The following ENOX1 variants were observed in gnomAD, a reference collection of about 807,000 sequenced individuals.
The protein encoded by ENOX1 is candidate growth-related and time keeping constitutive hydroquinone (NADH) oxidase.
Under a neutral mutation model 82.5 loss-of-function variants are expected in ENOX1, and 42 were observed. That is an observed-to-expected ratio of 0.51 (90% CI 0.40 to 0.66). The LOEUF (loss-of-function observed/expected upper bound fraction) is 0.66. Among genes scored for constraint, ENOX1 ranks in the 30% least tolerant of loss-of-function variants. The pLI is 0.00. For synonymous variants in ENOX1, 271 were observed against 282.2 expected, an observed-to-expected ratio of 0.96 and a Z score of 0.40; for missense variants, 608 against 811.6, an observed-to-expected ratio of 0.75 and a Z score of 3.05.
intron 3 of ENOX1, among the ~76,000 whole-genome samples, chr13:43,454,052 T>C (rs1207479730): frequency 6.6e-6 from 1 of 152,176 alleles, no homozygotes. Flanking sequence ...TTTTGCTTTA[T>C]TTGGGGTGTG....
intron 1 of ENOX1, among the ~76,000 whole-genome samples, chr13:43,766,056 C>G (rs1951243351): frequency 6.6e-6 from 1 of 152,184 alleles, no homozygotes; most frequent in Non-Finnish European, 1.5e-5. Context: ...ATATGTGCTT[C>G]TCCTTCCATT....
intron 2 of ENOX1, among the ~76,000 whole-genome samples, chr13:43,507,270 A>T (rs1192932590): frequency 6.6e-6 from 1 of 151,998 alleles, no homozygotes; most frequent in African/African-American, 2.4e-5. Flanking sequence ...AAAGGAGAGG[A>T]ATTCAAAAGA....
At chr13:43,397,958 G>T (rs1039640396) in intron 5 of ENOX1, among the ~76,000 whole-genome samples, 6 of 152,160 alleles carry the variant, frequency 3.9e-5, no homozygotes, top group African/African-American at 1.4e-4. Flanking sequence ...CCCACTTTCT[G>T]GTTCAAAGAC....
chr13:43,342,230 A>G (rs2049108337), intron 9 of ENOX1, among the ~76,000 whole-genome samples: 1 of 152,160 alleles, frequency 6.6e-6, no homozygotes, highest in East Asian at 1.9e-4. Context: ...TCTAACTGAC[A>G]CATCAAGTAA....
At chr13:43,673,488 G>A (rs1026355443) in intron 1 of ENOX1, among the ~76,000 whole-genome samples, 1 of 152,156 alleles carries the variant, frequency 6.6e-6, no homozygotes, top group Non-Finnish European at 1.5e-5. Context: ...AGCTTCAGTC[G>A]TTCATGAATA....
At chr13:43,674,520 TGAGG>T (rs2085413546) in intron 1 of ENOX1, among the ~76,000 whole-genome samples, 1 of 152,036 alleles carries the variant, frequency 6.6e-6, no homozygotes, top group African/African-American at 2.4e-5. Flanking sequence ...TACATGACAT[TGAGG>T]GAAAACTCAA....
At chr13:43,335,277 T>A (rs1306367884) in intron 9 of ENOX1, among the ~76,000 whole-genome samples, 1 of 152,220 alleles carries the variant, frequency 6.6e-6, no homozygotes, top group African/African-American at 2.4e-5. Context: ...ACAATTTTCT[T>A]TGGTTGGAAA....
intron 1 of ENOX1, among the ~76,000 whole-genome samples, chr13:43,688,737 T>G (rs1456729838): frequency 6.6e-6 from 1 of 151,078 alleles, no homozygotes; most frequent in African/African-American, 2.5e-5. Context: ...GGGCTACTAT[T>G]TGCAGAGAAA....
intron 9 of ENOX1, among the ~76,000 whole-genome samples, chr13:43,339,511 G>A (rs1022856134): frequency 2.6e-5 from 4 of 152,168 alleles, no homozygotes; most frequent in Non-Finnish European, 4.4e-5. Flanking sequence ...TAGAAGCTGC[G>A]GAGTGAGCCC....
At chr13:43,606,104 T>C (rs759396015) in intron 2 of ENOX1, among the ~76,000 whole-genome samples, 2 of 152,066 alleles carry the variant, frequency 1.3e-5, no homozygotes, top group African/African-American at 4.8e-5. Context: ...AAAAGTACTA[T>C]GAGATATCAT....
intron 2 of ENOX1, among the ~76,000 whole-genome samples, chr13:43,606,447 A>G (rs1453311413): frequency 6.6e-6 from 1 of 152,134 alleles, no homozygotes; most frequent in African/African-American, 2.4e-5. Flanking sequence ...ACATCTACAC[A>G]AGGAGATACT....
intron 1 of ENOX1, among the ~76,000 whole-genome samples, chr13:43,692,416 T>G (rs1015866589): frequency 2.6e-5 from 4 of 152,098 alleles, no homozygotes; most frequent in African/African-American, 9.7e-5. Flanking sequence ...CTATAAGGAT[T>G]GATACATTTG....
At chr13:43,352,127 G>A (rs9590757) in intron 8 of ENOX1, among the ~76,000 whole-genome samples, 33,227 of 152,128 alleles carry the variant, frequency 0.22, 4,063 homozygotes, top group Admixed American at 0.37. Flanking sequence ...CCTCTGGCAG[G>A]CTGACATGAG....
intron 3 of ENOX1, among the ~76,000 whole-genome samples, chr13:43,462,161 A>G (rs1747663853): frequency 6.6e-6 from 1 of 152,192 alleles, no homozygotes; most frequent in African/African-American, 2.4e-5. Flanking sequence ...ATAAATTTAG[A>G]ACACAAGTCA....
intron 5 of ENOX1, among the ~76,000 whole-genome samples, chr13:43,393,307 G>A (rs1446452850): frequency 1.3e-5 from 2 of 152,132 alleles, no homozygotes; most frequent in Non-Finnish European, 2.9e-5. Context: ...TTTAAGAAAG[G>A]TATTTTTTAA....
At chr13:43,367,820 T>A (rs919000068) in intron 5 of ENOX1, among the ~76,000 whole-genome samples, 8 of 152,054 alleles carry the variant, frequency 5.3e-5, no homozygotes, top group African/African-American at 1.7e-4. Flanking sequence ...TTGAAAAGGA[T>A]GACATCTGTA....
chr13:43,536,982 C>A (rs2078487868), intron 2 of ENOX1, among the ~76,000 whole-genome samples: 1 of 152,174 alleles, frequency 6.6e-6, no homozygotes, highest in Admixed American at 6.5e-5. Context: ...AAACAATCTG[C>A]TTCTAGGACA....
chr13:43,699,699 AAAACTG>A, intron 1 of ENOX1, among the ~76,000 whole-genome samples: 1 of 152,344 alleles, frequency 6.6e-6, no homozygotes, highest in Non-Finnish European at 1.5e-5. Flanking sequence ...CTAAAGAGTG[AAAACTG>A]GTTAATACTT....
chr13:43,223,108 T>C (rs2041870764), intron 16 of ENOX1, among the ~76,000 whole-genome samples: 1 of 152,234 alleles, frequency 6.6e-6, no homozygotes, highest in South Asian at 2.1e-4. Context: ...ATTTGATGCA[T>C]GCTAGCCATT....
Sources: gnomAD v4.1 joint callset for allele counts (sites outside exome capture counted in the v4.1 genomes callset) on GRCh38, gnomAD v4.1.1 for gene constraint, MANE v1.5 for transcripts, NCBI Gene and HGNC (gene_info 2026-07-23, HGNC 2026-07-21) for gene names.